SH2B3: variants seen among roughly 807,000 people sequenced by gnomAD.
SH2B3 encodes SH2B adaptor protein 3.
In SH2B3, 43 loss-of-function variants were observed where a neutral mutation model predicts 51.9. The observed-to-expected ratio is 0.83, with a 90% confidence interval of 0.65 to 1.07. SH2B3 has a LOEUF of 1.07. Among genes scored for constraint, SH2B3 ranks in the 50% least tolerant of loss-of-function variants. The pLI is 0.00. For synonymous variants in SH2B3, 396 were observed against 376.0 expected (o/e 1.05, Z -0.62); for missense variants, 952 against 834.3 (o/e 1.14, Z -1.74).
chr12:111,405,633 C>T (rs1356577872), upstream of SH2B3, among the ~76,000 whole-genome samples: 1 of 152,102 alleles, frequency 6.6e-6, no homozygotes, highest in Non-Finnish European at 1.5e-5. The surrounding 1 kb of genome is among the most constrained non-coding windows in gnomAD (Gnocchi z 5.4). Context: ...TCACTTCTAT[C>T]TTCAGACTGT....
intron 1 of SH2B3, among the ~76,000 whole-genome samples, chr12:111,414,122 GTGCCC>G (rs1237789417): frequency 6.6e-6 from 1 of 152,206 alleles, no homozygotes; most frequent in East Asian, 1.9e-4. Flanking sequence ...CCAAGAACAG[GTGCCC>G]TTATGCAGGG....
chr12:111,439,184 T>C (rs1873170516), intron 2 of SH2B3, among the ~76,000 whole-genome samples: 1 of 151,802 alleles, frequency 6.6e-6, no homozygotes, highest in Non-Finnish European at 1.5e-5. Context: ...AGTTTCGCTT[T>C]TGTTGCCCAG....
intron 1 of SH2B3, among the ~76,000 whole-genome samples, chr12:111,413,435 A>C (rs1405927761): frequency 6.6e-6 from 1 of 152,158 alleles, no homozygotes; most frequent in Non-Finnish European, 1.5e-5. Flanking sequence ...TGTGTAGCAG[A>C]CGCTCAGTAA....
chr12:111,427,448 T>C lies in SH2B3; in HGVS notation c.732+8571T>C, dbSNP rs574370338. 2.7e-5 allele frequency among the ~76,000 whole-genome samples: 4 copies of C among 146,270 alleles called. No homozygotes were observed. In the South Asian group the frequency reaches 6.6e-4, roughly 24 times the overall value. On this transcript the variant is annotated intron_variant, in intron 2 of 7. Transcript: ENST00000341259. Reference sequence around the variant, plus strand: ...AGGATCTGGCGGTGCCAGGCCGGCATTGGAGGGGGTCCCAGCCTGGCCTGT... The same window carrying C: ...AGGATCTGGCGGTGCCAGGCCGGCACTGGAGGGGGTCCCAGCCTGGCCTGT...
intron 2 of SH2B3, chr12:111,434,981 A>T (rs1872741833): frequency 6.5e-7 from 1 of 1,535,502 alleles, no homozygotes; most frequent in Non-Finnish European, 8.7e-7. Flanking sequence ...CCTCCACCCC[A>T]GAAGCCCTTG....
intron 5 of SH2B3, 35 bp from the exon 6 acceptor site, chr12:111,447,295 C>A (rs371701186): frequency 5.7e-6 from 9 of 1,592,722 alleles, no homozygotes; most frequent in South Asian, 1.1e-5. Context: ...ATAAGGTAGC[C>A]CCCTGCGACC....
chr12:111,424,383 C>T (rs936545142), intron 2 of SH2B3, among the ~76,000 whole-genome samples: 11 of 152,030 alleles, frequency 7.2e-5, no homozygotes, highest in African/African-American at 2.4e-4. Context: ...GCTGTTGCCA[C>T]GGTTGTTGTG....
intron 2 of SH2B3, among the ~76,000 whole-genome samples, chr12:111,423,932 G>A (rs1257423121): frequency 6.6e-6 from 1 of 152,190 alleles, no homozygotes; most frequent in Non-Finnish European, 1.5e-5. Flanking sequence ...GACCAACATG[G>A]TGAAACCCCG....
chr12:111,435,170 G>A lies in SH2B3; in HGVS notation c.733-11583G>A, dbSNP rs960912353. 7.2e-6 allele frequency: 5 copies of A among 694,460 alleles called. No homozygotes were observed. Among genetic ancestry groups the A allele is most frequent in the Non-Finnish European group, 9.5e-6 (4 of 423,026 alleles). 43.0% of individuals were successfully genotyped at this position (694,460 alleles called of 1,614,324 possible). On this transcript the variant is annotated intron_variant, in intron 2 of 7. Transcript: ENST00000341259. The surrounding 1 kb of genome is among the most constrained non-coding windows in gnomAD (Gnocchi z 4.8). ...ACCACATCTTTTTCCACCCACACCCGGTGCAGAGCAGATGCTTGGCCGGGG... is the reference window on the plus strand; with the variant it reads ...ACCACATCTTTTTCCACCCACACCCAGTGCAGAGCAGATGCTTGGCCGGGG...
chr12:111,419,164 G>A (rs1354176207), intron 2 of SH2B3, among the ~76,000 whole-genome samples: 1 of 151,988 alleles, frequency 6.6e-6, no homozygotes, highest in East Asian at 1.9e-4. Context: ...TTAGCCAGGT[G>A]TGGTGGTACG....
rs1250277714 is a variant in SH2B3 at position 111,447,716 on chromosome 12, T to A, written c.1297T>A (p.Ser433Thr). Residue 433 changes from serine (S) to threonine (T), a missense_variant, in exon 7 of 8, where the codon TCG becomes ACG. By Grantham distance (58) the Ser-to-Thr change is moderately conservative (BLOSUM62 1). Transcript: ENST00000341259. ...QCRVQHLHFP[S>T]VVDMLHHFQR... ...CCGTGTGCAGCACCTCCACTTTCCC[T>A]CGGTCGTGGACATGCTCCACCACTT... is the stretch of plus-strand genomic sequence containing the variant. The A allele has an allele frequency of 3.0e-5, 49 of 1,613,830 alleles. No individual in the cohort carries two copies. The highest frequency in any genetic ancestry group is 4.1e-5 in the Non-Finnish European group (48 of 1,179,974).
chr12:111,420,512 C>T (rs902593871), intron 2 of SH2B3, among the ~76,000 whole-genome samples: 3 of 152,078 alleles, frequency 2.0e-5, no homozygotes, highest in Non-Finnish European at 4.4e-5. Context: ...GACCATATGG[C>T]TTTCATCTAA....
intron 2 of SH2B3, 96 bp from the exon 3 acceptor site, chr12:111,446,657 A>G: frequency 2.9e-6 from 2 of 678,442 alleles, no homozygotes; most frequent in Non-Finnish European, 5.0e-6. Context: ...CTCTCTCTAA[A>G]AGGGGGACTC....
At position 111,450,192 on chromosome 12, in the gene SH2B3, G is replaced by C. The variant is rs1555227810; in HGVS notation, c.*1890G>C. The C allele has an allele frequency of 6.6e-6, 1 of 152,272 alleles. No homozygotes were observed. Among genetic ancestry groups the C allele is most frequent in the Non-Finnish European group, 1.5e-5 (1 of 68,132 alleles). The allele number at this position is 152,272 out of a possible 1,614,324, so 9.4% of individuals were successfully genotyped here. ...CCCGCCTTGGCCTCCCAAAGTGCTG[G>C]GATTACAGGCGCGAGCCACCGCGCC... On this transcript the variant is annotated 3_prime_UTR_variant, in exon 8 of 8. Coordinates refer to ENST00000341259, the MANE Select transcript of SH2B3 (RefSeq NM_005475.3).
Position 111,448,062 on chromosome 12 carries a change from G to A in SH2B3, c.1488G>A (p.Leu496=). Residue 496 remains leucine, a synonymous_variant, in exon 8 of 8, where the codon TTG becomes TTA. Transcript: ENST00000341259. ...CCCTTCCTCACTGGGGTTCAGAGTT[G>A]GGCCTTCCCCACCTTAGTTCTTCTG... ...SESLPHWGSE[L]GLPHLSSSGC... The A allele has an allele frequency of 6.2e-7, 1 of 1,613,934 alleles. No homozygotes were observed. The highest frequency in any genetic ancestry group is 8.5e-7 in the Non-Finnish European group (1 of 1,179,898).
In SH2B3 at chr12:111,433,929, T is replaced by A. The variant is rs970812087; in HGVS notation, c.733-12824T>A. Among the ~76,000 whole-genome samples, 3 of 152,190 alleles carry A rather than the reference T, an allele frequency of 2.0e-5. No homozygotes were observed. In the East Asian group the frequency reaches 5.8e-4, roughly 29 times the overall value. ...GGGTTTAGCCTCAGTGTGGTTTTGA[T>A]ATGCATTTCCCCAATGGAAAATGGT... is the stretch of plus-strand genomic sequence containing the variant. On this transcript the variant is annotated intron_variant, in intron 2 of 7. Coordinates refer to ENST00000341259, the MANE Select transcript of SH2B3 (RefSeq NM_005475.3).
intron 2 of SH2B3, chr12:111,444,800 A>G (rs934924682): frequency 4.8e-5 from 47 of 985,478 alleles, no homozygotes; most frequent in Non-Finnish European, 4.9e-5. Context: ...TCCTGCGCCC[A>G]TGTGCCCACA....
At chr12:111,441,454 T>C (rs934317180) in intron 2 of SH2B3, among the ~76,000 whole-genome samples, 1 of 151,916 alleles carries the variant, frequency 6.6e-6, no homozygotes, top group African/African-American at 2.4e-5. Context: ...AGCACAGGAC[T>C]AAGTGTCCCA....
intron 1 of SH2B3, among the ~76,000 whole-genome samples, chr12:111,411,407 A>G (rs1870685525): frequency 6.6e-6 from 1 of 151,962 alleles, no homozygotes; most frequent in Admixed American, 6.6e-5. Context: ...AATTCCTACC[A>G]TGGATAAAGG....
Sources: gnomAD v4.1 joint callset for allele counts (sites outside exome capture counted in the v4.1 genomes callset) on GRCh38, gnomAD v4.1.1 for gene constraint, Gnocchi (gnomAD v3.1) non-coding constraint, MANE v1.5 for transcripts, NCBI Gene and HGNC (gene_info 2026-07-23, HGNC 2026-07-21) for gene names.